TLR6: variants seen among roughly 807,000 people sequenced by gnomAD.
TLR6 encodes toll like receptor 6.
TLR6 carries 9 observed loss-of-function variants against 16.1 expected under a neutral mutation model. The ratio of observed to expected loss-of-function variants is 0.56; its 90% CI spans 0.34 to 0.98. TLR6 has a LOEUF of 0.98. Among genes scored for constraint, TLR6 ranks in the 50% least tolerant of loss-of-function variants. The pLI is 0.02. For missense variants in TLR6, 786 were observed against 921.0 expected, an observed-to-expected ratio of 0.85 and a Z score of 1.90; for synonymous variants, 340 against 338.6, an observed-to-expected ratio of 1.00 and a Z score of -0.04.
At position 38,828,781 on chromosome 4, in the gene TLR6, A is replaced by G. The variant is rs1161394443; in HGVS notation, c.693T>C (p.Asn231=). The G allele has an allele frequency of 1.9e-6, 3 of 1,613,752 alleles. No homozygotes were observed. The African/African-American group carries it at 4.0e-5, about 22-fold the overall frequency. Residue 231 remains asparagine (N), a synonymous_variant, in exon 2 of 2, where the codon AAT becomes AAC. Coordinates refer to ENST00000436693, the Ensembl canonical transcript of TLR6. ...TAATGAAAACTTGACAGTTGTCATCATTCAATTTAATATTAGTCAGTTGTA... is the reference window on the plus strand; with the variant it reads ...TAATGAAAACTTGACAGTTGTCATCGTTCAATTTAATATTAGTCAGTTGTA...
At chr4:38,860,123 A>T (rs935017950), upstream of TLR6, among the ~76,000 whole-genome samples, 1 of 152,166 alleles carries the variant, frequency 6.6e-6, no homozygotes, top group African/African-American at 2.4e-5. Flanking sequence ...ACAGCTTTAA[A>T]GTAAGTTTTG....
chr4:38,840,100 C>A (rs1344485936), intron 1 of TLR6, among the ~76,000 whole-genome samples: 1 of 152,138 alleles, frequency 6.6e-6, no homozygotes, highest in East Asian at 1.9e-4. Context: ...AAGGTGTTAC[C>A]AATAAAGTTT....
chr4:38,858,889 G>A (rs28637174), upstream of TLR6, among the ~76,000 whole-genome samples: 11,717 of 48,012 alleles, frequency 0.24, 1,786 homozygotes, highest in African/African-American at 0.38. Context: ...GAAAGAAAGA[G>A]AGAAAGAAAG....
At chr4:38,823,570 G>C (rs1026083614), downstream of TLR6, 1 of 152,250 alleles carries the variant, frequency 6.6e-6, no homozygotes, top group African/African-American at 2.4e-5. Flanking sequence ...AAAACGTGTT[G>C]AGGCAAACTT....
At chr4:38,863,439 C>T in the TLR6 span, among the ~76,000 whole-genome samples, 1 of 152,168 alleles carries the variant, frequency 6.6e-6, no homozygotes, top group Non-Finnish European at 1.5e-5. Flanking sequence ...CCCTGAACTT[C>T]AGACTCACAT....
Position 38,829,311 on chromosome 4 carries a change from T to C in TLR6, c.163A>G (p.Lys55Glu), listed in dbSNP as rs1727714773. Residue 55 changes from lysine to glutamate, a missense_variant, in exon 2 of 2, where the codon AAA becomes GAA. Coordinates refer to ENST00000436693, the Ensembl canonical transcript of TLR6. ...TAGTTCTGAGACATATCTAAGACTT[T>C]GGTTTTCAGCGGTAGGTCTTTTGGA... is the stretch of plus-strand genomic sequence containing the variant. 6.2e-7 allele frequency: 1 copy of C among 1,614,184 alleles called. No individual in the cohort carries two copies. Among genetic ancestry groups the C allele is most frequent in the Admixed American group, 1.7e-5 (1 of 60,024 alleles).
At chr4:38,829,227 G>A in exon 2 of TLR6, 1 of 1,614,154 alleles carries the variant, frequency 6.2e-7, no homozygotes, top group East Asian at 2.2e-5. Flanking sequence ...TTATGGGAAA[G>A]TCTCAAAACT....
At chr4:38,854,855 A>G (rs1712910652) in intron 1 of TLR6, among the ~76,000 whole-genome samples, 2 of 152,216 alleles carry the variant, frequency 1.3e-5, no homozygotes, top group Admixed American at 6.5e-5. Flanking sequence ...GTTATGTATA[A>G]TTAAATAATA....
intron 1 of TLR6, among the ~76,000 whole-genome samples, chr4:38,847,792 A>G (rs1002877733): frequency 6.6e-6 from 1 of 152,070 alleles, no homozygotes; most frequent in Admixed American, 6.6e-5. Flanking sequence ...CAGGAAGCTC[A>G]AACTGGGTGG....
At chr4:38,847,656 G>T (rs1712586782) in intron 1 of TLR6, among the ~76,000 whole-genome samples, 1 of 152,198 alleles carries the variant, frequency 6.6e-6, no homozygotes, top group Non-Finnish European at 1.5e-5. Flanking sequence ...TGGCTTGGAG[G>T]GTCCCACACC....
chr4:38,828,098 C>T (rs764788590), exon 2 of TLR6: 1 of 1,614,036 alleles, frequency 6.2e-7, no homozygotes. Flanking sequence ...TATTTTATTG[C>T]TGTGAAGATC....
intron 1 of TLR6, among the ~76,000 whole-genome samples, chr4:38,842,732 GA>G (rs1332794003): frequency 1.3e-5 from 2 of 152,192 alleles, no homozygotes; most frequent in Non-Finnish European, 2.9e-5. Flanking sequence ...CTGTCCTCAT[GA>G]CCTAATCACC....
At chr4:38,852,544 A>G (rs1712810714) in intron 1 of TLR6, among the ~76,000 whole-genome samples, 1 of 152,240 alleles carries the variant, frequency 6.6e-6, no homozygotes, top group Non-Finnish European at 1.5e-5. Flanking sequence ...GAAAAAAATA[A>G]ACAACCCCAT....
the TLR6 span, among the ~76,000 whole-genome samples, chr4:38,866,848 C>T: frequency 6.6e-6 from 1 of 152,034 alleles, no homozygotes; most frequent in Non-Finnish European, 1.5e-5. Context: ...GAGACTAGGG[C>T]TATTTTTTCT....
chr4:38,862,739 G>A, the TLR6 span, among the ~76,000 whole-genome samples: 1 of 151,546 alleles, frequency 6.6e-6, no homozygotes, highest in African/African-American at 2.4e-5. Flanking sequence ...GGGACTACAG[G>A]CACGTGCCAC....
intron 1 of TLR6, among the ~76,000 whole-genome samples, chr4:38,848,018 C>T (rs1712604410): frequency 6.6e-6 from 1 of 152,260 alleles, no homozygotes; most frequent in Non-Finnish European, 1.5e-5. Context: ...TGTAGCCTAA[C>T]TGGGAGGCAC....
At chr4:38,838,570 A>G (rs1416824562) in intron 1 of TLR6, among the ~76,000 whole-genome samples, 2 of 152,234 alleles carry the variant, frequency 1.3e-5, no homozygotes, top group Non-Finnish European at 2.9e-5. Flanking sequence ...GAGTAGAACA[A>G]TAGTTACCAG....
exon 2 of TLR6, chr4:38,827,081 T>G: frequency 6.4e-7 from 1 of 1,566,098 alleles, no homozygotes; most frequent in Non-Finnish European, 8.6e-7. Context: ...TCCTAAATTT[T>G]TTTAAGATTT....
chr4:38,823,442 G>A (rs1375341807), downstream of TLR6, among the ~76,000 whole-genome samples: 1 of 152,168 alleles, frequency 6.6e-6, no homozygotes, highest in Admixed American at 6.5e-5. Flanking sequence ...AGTTAGAGCA[G>A]CCCAAACGGA....
Sources: allele counts gnomAD v4.1 joint callset (sites outside exome capture counted in the v4.1 genomes callset), GRCh38; gene constraint gnomAD v4.1.1; transcripts MANE v1.5; gene names NCBI Gene and HGNC (gene_info 2026-07-23, HGNC 2026-07-21).